TBC1D5: variants seen among roughly 807,000 people sequenced by gnomAD.
TBC1D5 encodes the protein TBC1 domain family member 5.
TBC1D5 carries 75 observed loss-of-function variants against 100.3 expected under a neutral mutation model. The ratio of observed to expected loss-of-function variants is 0.75; its 90% CI spans 0.62 to 0.91. The LOEUF is 0.91. Among genes scored for constraint, TBC1D5 ranks in the 40% least tolerant of loss-of-function variants. TBC1D5 has a pLI of 0.00. For synonymous variants in TBC1D5, 323 were observed against 325.6 expected (o/e 0.99, Z 0.09); for missense variants, 910 against 942.4 (o/e 0.97, Z 0.45).
chr3:17,460,678 C>T (rs577300046), intron 3 of TBC1D5, among the ~76,000 whole-genome samples: 2 of 151,634 alleles, frequency 1.3e-5, no homozygotes, highest in African/African-American at 4.8e-5. Flanking sequence ...CAGCTCTTAG[C>T]GCATAGGCCC....
At chr3:17,277,957 T>C (rs771314380) in intron 15 of TBC1D5, among the ~76,000 whole-genome samples, 1 of 152,186 alleles carries the variant, frequency 6.6e-6, no homozygotes, top group Non-Finnish European at 1.5e-5. Context: ...AAATACAGAA[T>C]AGTCCTATAA....
chr3:17,490,154 A>T (rs190302814), intron 3 of TBC1D5, among the ~76,000 whole-genome samples: 1 of 152,176 alleles, frequency 6.6e-6, no homozygotes, highest in Non-Finnish European at 1.5e-5. Context: ...TCTATTGAGA[A>T]GGGTCTGTTC....
chr3:17,581,156 C>G (rs758962329), intron 2 of TBC1D5, among the ~76,000 whole-genome samples: 22 of 152,304 alleles, frequency 1.4e-4, no homozygotes, highest in Middle Eastern at 6.8e-3. Context: ...TGCACACACT[C>G]TCTTGCCTGT....
chr3:17,531,704 T>C (rs1365384940), intron 2 of TBC1D5, among the ~76,000 whole-genome samples: 1 of 152,172 alleles, frequency 6.6e-6, no homozygotes, highest in Non-Finnish European at 1.5e-5. Context: ...ATTTGATCTT[T>C]GACAAACCTG....
chr3:17,250,158 TC>T (rs2077063952), intron 16 of TBC1D5, among the ~76,000 whole-genome samples: 1 of 152,222 alleles, frequency 6.6e-6, no homozygotes, highest in African/African-American at 2.4e-5. Context: ...TGCCCTTGAC[TC>T]CTATTTTTCT....
chr3:17,309,860 C>T (rs774418740), intron 13 of TBC1D5, among the ~76,000 whole-genome samples: 12 of 151,976 alleles, frequency 7.9e-5, no homozygotes, highest in Non-Finnish European at 1.6e-4. Flanking sequence ...GATTTTTAAC[C>T]GATACAAATG....
intron 2 of TBC1D5, among the ~76,000 whole-genome samples, chr3:17,618,009 G>C (rs1488892901): frequency 5.3e-5 from 8 of 152,186 alleles, no homozygotes; most frequent in Admixed American, 5.2e-4. Flanking sequence ...CAGCTTTTCT[G>C]CTCTGGTTTC....
At chr3:17,670,790 T>C (rs1333096153) in intron 1 of TBC1D5, among the ~76,000 whole-genome samples, 2 of 152,210 alleles carry the variant, frequency 1.3e-5, no homozygotes, top group Admixed American at 6.5e-5. Context: ...AATCCTTTCA[T>C]AGCATTCAAA....
intron 1 of TBC1D5, among the ~76,000 whole-genome samples, chr3:17,704,520 T>C (rs1359108993): frequency 1.1e-5 from 1 of 94,518 alleles, no homozygotes; most frequent in African/African-American, 3.9e-5. Flanking sequence ...GCCCCTCACC[T>C]CCCGGACGGG....
At chr3:17,678,761 T>C (rs968356738) in intron 1 of TBC1D5, among the ~76,000 whole-genome samples, 1 of 150,082 alleles carries the variant, frequency 6.7e-6, no homozygotes, top group Non-Finnish European at 1.5e-5. Context: ...CTCTGAAGAT[T>C]CATTTAAAAA....
intron 16 of TBC1D5, among the ~76,000 whole-genome samples, chr3:17,242,567 G>A (rs373744973): frequency 6.6e-6 from 1 of 151,440 alleles, no homozygotes; most frequent in African/African-American, 2.4e-5. Flanking sequence ...CCTCTTTTCC[G>A]ATAAAAGCAT....
chr3:17,214,332 C>G (rs2073360620), exon 18 of TBC1D5: 1 of 1,613,170 alleles, frequency 6.2e-7, no homozygotes, highest in Non-Finnish European at 8.5e-7. Flanking sequence ...GGCAAACTCT[C>G]AACGCTTGGA....
At chr3:17,423,403 A>G (rs2149299048) in intron 4 of TBC1D5, among the ~76,000 whole-genome samples, 1 of 152,258 alleles carries the variant, frequency 6.6e-6, no homozygotes, top group East Asian at 1.9e-4. Context: ...TGTAGGATTT[A>G]TTAACTAAAA....
rs989484817 is a variant in TBC1D5, at chr3:17,256,557, G to C, written c.1331+1949C>G. On this transcript the variant is annotated intron_variant, in intron 16 of 21. Coordinates refer to ENST00000253692, the Ensembl canonical transcript of TBC1D5. ...CTAAAGAGAAGAAAATCATGAAGGG[G>C]AGAAAATAATGGGTACAATACATTT... is the stretch of plus-strand genomic sequence containing the variant. Among the ~76,000 whole-genome samples, 3 of 151,684 alleles carry C rather than the reference G, an allele frequency of 2.0e-5. No homozygotes were observed. The South Asian group carries it at 6.2e-4, about 31-fold the overall frequency.
rs566832956 is a variant in TBC1D5, at chr3:17,401,367, T to A, written c.509+1814A>T. ...TAATATACATATATATGTATGTGTA[T>A]AATATACATATGTATATGTATATGT... On this transcript the variant is annotated intron_variant, in intron 8 of 21. Transcript: ENST00000253692. Among the ~76,000 whole-genome samples, 2 of 113,962 alleles carry A rather than the reference T, an allele frequency of 1.8e-5. 1 individual carries two copies. Among genetic ancestry groups the A allele is most frequent in the South Asian group, 5.0e-4 (2 of 3,974 alleles). The allele number at this position is 113,962 out of a possible 152,430, so 74.8% of individuals were successfully genotyped here. A position where few individuals can be genotyped will look rare whatever the true frequency, so the allele number is the denominator to read the frequency against.
chr3:17,410,189 T>G (rs1159480199), intron 4 of TBC1D5, among the ~76,000 whole-genome samples: 1 of 152,134 alleles, frequency 6.6e-6, no homozygotes, highest in Non-Finnish European at 1.5e-5. Flanking sequence ...AAATCTACTC[T>G]CCTTGTGCCG....
intron 1 of TBC1D5, among the ~76,000 whole-genome samples, chr3:17,722,905 G>C (rs2075821380): frequency 6.6e-6 from 1 of 152,118 alleles, no homozygotes; most frequent in Non-Finnish European, 1.5e-5. Context: ...ATGTATTTGG[G>C]ACTGGGGCAG....
At chr3:17,685,720 T>C (rs1387546571) in intron 1 of TBC1D5, among the ~76,000 whole-genome samples, 3 of 152,124 alleles carry the variant, frequency 2.0e-5, no homozygotes, top group Admixed American at 6.6e-5. Flanking sequence ...CTTGATATTA[T>C]ATATATCTTT....
At chr3:17,619,875 A>G (rs2062504897) in intron 2 of TBC1D5, among the ~76,000 whole-genome samples, 1 of 152,242 alleles carries the variant, frequency 6.6e-6, no homozygotes, top group African/African-American at 2.4e-5. Flanking sequence ...AAGCCCAAAT[A>G]TCCTATGGAA....
Sources: gnomAD v4.1 joint callset for allele counts (sites outside exome capture counted in the v4.1 genomes callset) on GRCh38, gnomAD v4.1.1 for gene constraint, MANE v1.5 for transcripts, NCBI Gene and HGNC (gene_info 2026-07-23, HGNC 2026-07-21) for gene names.